The following CCDC62 variants were observed in gnomAD, a reference collection of about 807,000 sequenced individuals.
CCDC62 encodes coiled-coil domain containing 62.
Under a neutral mutation model 80.8 loss-of-function variants are expected in CCDC62, and 72 were observed. The observed-to-expected ratio is 0.89, with a 90% CI of 0.74 to 1.08. CCDC62 has a LOEUF of 1.08. CCDC62 is among the 50% of genes least tolerant of loss of function. The probability of loss-of-function intolerance (pLI) is 0.00; values close to 1 mark genes in which losing one functional copy is unlikely to be tolerated. For synonymous variants in CCDC62, 286 were observed against 296.5 expected (o/e 0.96, Z 0.36); for missense variants, 704 against 809.4 (o/e 0.87, Z 1.58).
intron 5 of CCDC62, among the ~76,000 whole-genome samples, chr12:122,789,488 G>A (rs548880031): frequency 2.0e-5 from 3 of 152,146 alleles, no homozygotes; most frequent in Non-Finnish European, 2.9e-5. Flanking sequence ...GCTGGAGTGC[G>A]GTGGTGCAAT....
chr12:122,817,354 C>T (rs1017602370), intron 11 of CCDC62, among the ~76,000 whole-genome samples: 8 of 151,898 alleles, frequency 5.3e-5, no homozygotes, highest in Admixed American at 1.3e-4. Flanking sequence ...GCCACCATGC[C>T]TGGCCTATTT....
At position 122,777,568 on chromosome 12, in the gene CCDC62, A is replaced by C; in HGVS notation, c.114A>C (p.Lys38Asn). The C allele has an allele frequency of 6.2e-7, 1 of 1,614,196 alleles. No homozygotes were observed. The highest frequency in any genetic ancestry group is 1.3e-5 in the African/African-American group (1 of 75,064). Residue 38 changes from lysine to asparagine, a missense_variant, in exon 2 of 13, where the codon AAA (lysine) becomes AAC (asparagine). Transcript: ENST00000253079. ...KELQLLIGEL[K>N]DRDKELNDMV... Reference sequence around the variant, plus strand: ...TGCAGTTGCTCATTGGAGAATTAAAAGATCGAGATAAAGAGCTCAATGACA... The same window carrying C: ...TGCAGTTGCTCATTGGAGAATTAAACGATCGAGATAAAGAGCTCAATGACA...
At chr12:122,820,467 G>A (rs1053152421) in intron 11 of CCDC62, among the ~76,000 whole-genome samples, 1 of 152,138 alleles carries the variant, frequency 6.6e-6, no homozygotes, top group Non-Finnish European at 1.5e-5. Flanking sequence ...TTACCTGTCG[G>A]GGCTCTTGGC....
At chr12:122,797,702 A>C (rs1284485565) in intron 7 of CCDC62, among the ~76,000 whole-genome samples, 9 of 151,948 alleles carry the variant, frequency 5.9e-5, no homozygotes, top group Non-Finnish European at 1.2e-4. Context: ...CACCACGCCC[A>C]GCCAATTTTT....
At chr12:122,825,097 A>G (rs2032561746) in intron 12 of CCDC62, among the ~76,000 whole-genome samples, 1 of 151,874 alleles carries the variant, frequency 6.6e-6, no homozygotes, top group African/African-American at 2.4e-5. Flanking sequence ...AAAAAAAAAA[A>G]GAAAAGAAAA....
intron 6 of CCDC62, among the ~76,000 whole-genome samples, chr12:122,794,764 C>G (rs1478731827): frequency 6.6e-6 from 1 of 152,160 alleles, no homozygotes; most frequent in Non-Finnish European, 1.5e-5. Flanking sequence ...TCAAGTGATC[C>G]TGCCACCTCA....
chr12:122,791,958 G>A (rs1282386009), intron 5 of CCDC62, 62 bp from the exon 6 acceptor site: 5 of 1,065,002 alleles, frequency 4.7e-6, no homozygotes, highest in Non-Finnish European at 7.3e-6. Flanking sequence ...TAGGCATAGT[G>A]TGTATATGAG....
chr12:122,797,782 C>T (rs1445699289), intron 7 of CCDC62, among the ~76,000 whole-genome samples: 2 of 151,868 alleles, frequency 1.3e-5, no homozygotes, highest in African/African-American at 4.8e-5. Context: ...CCTCATGACC[C>T]GCCCACCTCA....
At chr12:122,802,844 T>C (rs2031387984) in intron 9 of CCDC62, among the ~76,000 whole-genome samples, 1 of 151,962 alleles carries the variant, frequency 6.6e-6, no homozygotes, top group African/African-American at 2.4e-5. Flanking sequence ...CTGGTTAACA[T>C]AGTGAGGCTC....
At chr12:122,804,416 G>A (rs2031475965) in intron 9 of CCDC62, among the ~76,000 whole-genome samples, 1 of 152,188 alleles carries the variant, frequency 6.6e-6, no homozygotes, top group Non-Finnish European at 1.5e-5. Flanking sequence ...GAACCCAGGA[G>A]GTGGAGGTTG....
intron 10 of CCDC62, among the ~76,000 whole-genome samples, chr12:122,809,742 G>A (rs2031786349): frequency 6.6e-6 from 1 of 152,208 alleles, no homozygotes; most frequent in Admixed American, 6.6e-5. Flanking sequence ...CAAAGCTAGA[G>A]GCATCACGCT....
chr12:122,796,870 ACTT>A (rs200039677), intron 6 of CCDC62, among the ~76,000 whole-genome samples: 10 of 30,244 alleles, frequency 3.3e-4, no homozygotes, highest in Admixed American at 6.9e-4. Flanking sequence ...TCTACAAATC[ACTT>A]CTTCTTTTTT....
chr12:122,796,874 CTTCTTTT>C (rs869041184), intron 6 of CCDC62, among the ~76,000 whole-genome samples: 40 of 145,546 alleles, frequency 2.7e-4, no homozygotes, highest in Admixed American at 4.1e-4. Context: ...CAAATCACTT[CTTCTTTT>C]TTTTTTTTTT....
intron 6 of CCDC62, among the ~76,000 whole-genome samples, chr12:122,796,284 GA>G: frequency 6.6e-6 from 1 of 151,494 alleles, no homozygotes; most frequent in South Asian, 2.1e-4. Context: ...TTTGTTTAGG[GA>G]CCATGCTGTA....
chr12:122,802,015 A>T (rs957978402), intron 9 of CCDC62, among the ~76,000 whole-genome samples, 163 bp downstream of exon 9: 1 of 152,192 alleles, frequency 6.6e-6, no homozygotes, highest in Non-Finnish European at 1.5e-5. Flanking sequence ...TCATCACAGC[A>T]TGGACTGTTG....
At chr12:122,810,551 A>AATACTTTT (rs199958554) in intron 10 of CCDC62, among the ~76,000 whole-genome samples, 1 of 77,278 alleles carries the variant, frequency 1.3e-5, no homozygotes, top group Non-Finnish European at 3.2e-5. Flanking sequence ...GAGAAATAGA[A>AATACTTTT]ACACTTTTAC....
intron 11 of CCDC62, among the ~76,000 whole-genome samples, chr12:122,815,694 G>A (rs535259131): frequency 3.1e-4 from 47 of 152,086 alleles, no homozygotes; most frequent in South Asian, 1.2e-3. Flanking sequence ...TGATCCGCCC[G>A]CCTCAGCCTC....
intron 2 of CCDC62, 84 bp from the exon 3 acceptor site, chr12:122,781,079 AT>A: frequency 9.3e-7 from 1 of 1,071,772 alleles, no homozygotes; most frequent in Non-Finnish European, 1.4e-6. Flanking sequence ...TCTCTACCAC[AT>A]TTTTACCTTT....
At position 122,790,664 on chromosome 12, in the gene CCDC62, A is replaced by T. The variant is rs911460473; in HGVS notation, c.671-1356A>T. Reference sequence around the variant, plus strand: ...GAGCAAGATCCTGCCTCAAAAAAATAAAAAAAAAGAAGAGGAATTTTTATA... The same window carrying T: ...GAGCAAGATCCTGCCTCAAAAAAATTAAAAAAAAGAAGAGGAATTTTTATA... On this transcript the variant is annotated intron_variant, in intron 5 of 12. Coordinates refer to ENST00000253079, the MANE Select transcript of CCDC62 (RefSeq NM_201435.5). 7.9e-5 allele frequency among the ~76,000 whole-genome samples: 12 copies of T among 151,520 alleles called. No individual in the cohort carries two copies. The South Asian group carries it at 1.0e-3, about 13-fold the overall frequency.
Sources: gnomAD v4.1 joint callset for allele counts (sites outside exome capture counted in the v4.1 genomes callset) on GRCh38, gnomAD v4.1.1 for gene constraint, MANE v1.5 for transcripts, NCBI Gene and HGNC (gene_info 2026-07-23, HGNC 2026-07-21) for gene names.